DNHD1: variants seen among roughly 807,000 people sequenced by gnomAD.
DNHD1 encodes the protein dynein heavy chain domain 1.
Under a neutral mutation model 458.1 loss-of-function variants are expected in DNHD1, and 383 were observed. The observed-to-expected ratio is 0.84, with a 90% confidence interval of 0.77 to 0.91. The LOEUF is 0.91. Ranked by LOEUF, DNHD1 falls within the 40% of genes least tolerant of loss-of-function variation. The probability of loss-of-function intolerance (pLI) is 0.00; values close to 1 mark genes in which losing one functional copy is unlikely to be tolerated. For missense variants in DNHD1, 5,336 were observed against 5,866.1 expected, an observed-to-expected ratio of 0.91 and a Z score of 2.95; for synonymous variants, 2,203 against 2,376.9, an observed-to-expected ratio of 0.93 and a Z score of 2.13.
At chr11:6,544,273 A>G (rs1374020096) in intron 19 of DNHD1, 27 bp downstream of exon 19, 1 of 1,551,052 alleles carries the variant, frequency 6.4e-7, no homozygotes, top group Non-Finnish European at 8.7e-7. Context: ...AGCCAGGCTG[A>G]TGGGTGAGAC....
At chr11:6,514,495 T>G (rs1279909150) in intron 7 of DNHD1, among the ~76,000 whole-genome samples, 1 of 149,388 alleles carries the variant, frequency 6.7e-6, no homozygotes, top group Non-Finnish European at 1.5e-5. Flanking sequence ...TTCCTTTCCT[T>G]TCTCCCTCCT....
In DNHD1 at chr11:6,548,765, C is replaced by G; in HGVS notation, c.7219C>G (p.Pro2407Ala). 6.4e-7 allele frequency: 1 copy of G among 1,551,638 alleles called. No individual in the cohort carries two copies. The highest frequency in any genetic ancestry group is 8.7e-7 in the Non-Finnish European group (1 of 1,146,986). ...FVEVLVEPHH[P>A]YIYSPIHPAF... ...GGAGGTGCTGGTAGAGCCACATCAC[C>G]CTTACATATACAGCCCCATCCACCC... Residue 2407 changes from proline (P) to alanine (A), a missense_variant, in exon 24 of 43, where the codon CCT becomes GCT. This residue lies in a region of DNHD1 where 3,932 missense variants were observed against 4,365.6 expected (regional missense o/e 0.90). Coordinates refer to ENST00000254579, the MANE Select transcript of DNHD1 (RefSeq NM_144666.3). The surrounding 1 kb of genome is among the most constrained non-coding windows in gnomAD (Gnocchi z 4.4).
chr11:6,538,182 G>T (rs769764354), intron 14 of DNHD1, among the ~76,000 whole-genome samples: 5 of 152,172 alleles, frequency 3.3e-5, no homozygotes, highest in Non-Finnish European at 7.3e-5. Flanking sequence ...TTCCCAGATG[G>T]TCTTTCCCTG....
chr11:6,497,814 C>A lies in DNHD1; in HGVS notation c.-402C>A. 1 of 204,180 alleles carries A rather than the reference C, an allele frequency of 4.9e-6. No individual in the cohort carries two copies. Among genetic ancestry groups the A allele is most frequent in the Non-Finnish European group, 1.0e-5 (1 of 100,126 alleles). 12.6% of individuals were successfully genotyped at this position (204,180 alleles called of 1,614,324 possible). On this transcript the variant is annotated 5_prime_UTR_variant, in exon 3 of 43. Coordinates refer to ENST00000254579, the MANE Select transcript of DNHD1 (RefSeq NM_144666.3). ...TCATCAGCAGATCGGGCTCTCTTCC[C>A]TTGCCTTGCCTCCTAACCCCCCTAG...
chr11:6,530,774 G>A (rs965759716), intron 12 of DNHD1, among the ~76,000 whole-genome samples: 3 of 152,210 alleles, frequency 2.0e-5, no homozygotes, highest in Non-Finnish European at 4.4e-5. Flanking sequence ...GGCAGGAACC[G>A]GGAGGACGTT....
chr11:6,540,705 G>A (rs1853080711), intron 18 of DNHD1, among the ~76,000 whole-genome samples: 1 of 152,196 alleles, frequency 6.6e-6, no homozygotes, highest in Admixed American at 6.5e-5. Context: ...AGGAGTAAGA[G>A]TTTGCCAAAC....
intron 3 of DNHD1, 86 bp downstream of exon 3, chr11:6,499,047 G>A: frequency 1.4e-6 from 2 of 1,431,012 alleles, no homozygotes; most frequent in Non-Finnish European, 1.9e-6. Context: ...TGGAAGTTTA[G>A]ATCCAGCTCT....
intron 10 of DNHD1, among the ~76,000 whole-genome samples, chr11:6,525,319 C>A (rs1379739748): frequency 6.6e-6 from 1 of 152,166 alleles, no homozygotes; most frequent in Non-Finnish European, 1.5e-5. Flanking sequence ...GCTAGGAAAT[C>A]AAATGGCTGA....
At chr11:6,530,618 C>G (rs931475238) in intron 12 of DNHD1, among the ~76,000 whole-genome samples, 7 of 152,218 alleles carry the variant, frequency 4.6e-5, no homozygotes, top group Non-Finnish European at 8.8e-5. Context: ...TTAGAAGCCA[C>G]TGGGGCCTGG....
chr11:6,569,838 A>G (rs12280254), intron 39 of DNHD1, among the ~76,000 whole-genome samples, 171 bp from the exon 40 acceptor site: 11,157 of 152,214 alleles, frequency 0.073, 1,423 homozygotes, highest in African/African-American at 0.26. Context: ...AGGAGGTGGA[A>G]CAGGTTTTGT....
At position 6,557,915 on chromosome 11, in the gene DNHD1, C is replaced by T. The variant is rs776716446; in HGVS notation, c.8620C>T (p.Arg2874Cys). ...TCATTCCATGGCCCAGCACGTGGCC[C>T]GCCTGGTCCGGGTGCTGGCCAGGCC... ...RCHSMAQHVA[R>C]LVRVLARPRQ... Residue 2874 changes from arginine (R) to cysteine (C), a missense_variant, in exon 25 of 43, where the codon CGC (arginine) becomes TGC (cysteine). By Grantham distance (180) the Arg-to-Cys change is radical. Transcript: ENST00000254579. The T allele has an allele frequency of 2.6e-6, 4 of 1,551,210 alleles. No individual in the cohort carries two copies. The highest frequency in any genetic ancestry group is 2.7e-5 in the African/African-American group (2 of 72,992).
chr11:6,551,577 A>C (rs1223115475), intron 24 of DNHD1, among the ~76,000 whole-genome samples: 7 of 152,372 alleles, frequency 4.6e-5, no homozygotes, highest in Admixed American at 2.6e-4. Context: ...CAAATCAAGA[A>C]ATGAAAAGGA....
intron 24 of DNHD1, among the ~76,000 whole-genome samples, chr11:6,552,388 G>A (rs368625507): frequency 7.2e-5 from 11 of 152,178 alleles, no homozygotes; most frequent in South Asian, 2.1e-4. Flanking sequence ...GCTGGGTGTG[G>A]TGGGGGTCAC....
rs934193447 is a variant in DNHD1, at chr11:6,558,655, A to T, written c.9173A>T (p.His3058Leu). 5 of 1,551,238 alleles carry T rather than the reference A, an allele frequency of 3.2e-6. No homozygotes were observed. In the African/African-American group the frequency reaches 6.8e-5, roughly 21 times the overall value. Residue 3058 changes from histidine to leucine, a missense_variant, in exon 26 of 43, where the codon CAT becomes CTT. Physicochemically the swap from His to Leu is moderately conservative, Grantham distance 99. Coordinates refer to ENST00000254579, the MANE Select transcript of DNHD1 (RefSeq NM_144666.3). ...GCTGCCCTGGCCAAGGTGGCCCAGC[A>T]TCACCTGGAGGGTGCTCAGAGTGTG... The part of the protein sequence containing the change: ...DQAALAKVAQ[H>L]HLEGAQSVPL...
chr11:6,569,920 A>T, intron 39 of DNHD1, 89 bp from the exon 40 acceptor site: 1 of 1,114,148 alleles, frequency 9.0e-7, no homozygotes, highest in Non-Finnish European at 1.3e-6. Context: ...CCCGAAGCTC[A>T]GGAGAGAGGT....
Position 6,563,427 on chromosome 11 carries a change from G to A in DNHD1, c.9715G>A (p.Asp3239Asn), listed in dbSNP as rs970196124. ...LEPLSQLQVA[D>N]FEEIRSYRAP... ...GCCTCTGAGCCAGCTGCAGGTGGCT[G>A]ACTTTGAGGAGATACGGAGCTATCG... The change falls in exon 30 of 43, where the codon GAC becomes AAC. Residue 3239 changes from aspartate to asparagine, a missense_variant. Asp to Asn is a conservative substitution (Grantham distance 23). This residue lies in a region of DNHD1 where 3,932 missense variants were observed against 4,365.6 expected (regional missense o/e 0.90). Transcript: ENST00000254579. 5.1e-5 allele frequency: 79 copies of A among 1,551,602 alleles called. No individual in the cohort carries two copies. The highest frequency in any genetic ancestry group is 1.7e-4 in the Middle Eastern group (1 of 6,014).
At position 6,546,283 on chromosome 11, in the gene DNHD1, C is replaced by T. The variant is rs1476398662; in HGVS notation, c.5344C>T (p.Pro1782Ser). The T allele has an allele frequency of 1.3e-6, 2 of 1,552,286 alleles. No homozygotes were observed. Among genetic ancestry groups the T allele is most frequent in the African/African-American group, 1.4e-5 (1 of 73,062 alleles). Residue 1782 changes from proline (P) to serine (S), a missense_variant, in exon 21 of 43, where the codon CCC becomes TCC. By Grantham distance (74) the Pro-to-Ser change is moderately conservative (BLOSUM62 -1). This residue lies in a region of DNHD1 where 3,932 missense variants were observed against 4,365.6 expected (regional missense o/e 0.90). Transcript: ENST00000254579. ...CACAAGCACCATAGACCCCACCCAG[C>T]CCCAGCTCCTTGGCAGTAGCTTCTT... ...RNTSTIDPTQ[P>S]QLLGSSFFEK...
rs367722398 is a variant in DNHD1, at chr11:6,567,203, T to C, written c.11694T>C (p.Asn3898=). ...ACAGCATGAAGCCACGTGAGATTAA[T>C]CACGGGGAGGACCTGGCCAGCCATC... is the stretch of plus-strand genomic sequence containing the variant. ...ALDSMKPREI[N]HGEDLASHLL... Residue 3898 remains asparagine, a synonymous_variant, in exon 36 of 43, where the codon AAT becomes AAC. Transcript: ENST00000254579. The C allele has an allele frequency of 7.9e-5, 128 of 1,613,908 alleles. No individual in the cohort carries two copies. The highest frequency in any genetic ancestry group is 1.1e-4 in the Non-Finnish European group (127 of 1,179,914).
intron 10 of DNHD1, among the ~76,000 whole-genome samples, chr11:6,522,099 G>C (rs1423387932): frequency 1.3e-5 from 2 of 152,068 alleles, no homozygotes; most frequent in Non-Finnish European, 1.5e-5. Context: ...CCATGATATT[G>C]AGCTTTTGTT....
Sources: allele counts gnomAD v4.1 joint callset (sites outside exome capture counted in the v4.1 genomes callset), GRCh38; gene constraint gnomAD v4.1.1; regional missense constraint gnomAD v4.1.1; non-coding constraint Gnocchi (gnomAD v3.1); transcripts MANE v1.5; gene names NCBI Gene and HGNC (gene_info 2026-07-23, HGNC 2026-07-21).